CSMD1: variants seen among roughly 807,000 people sequenced by gnomAD.
CSMD1 encodes CUB and sushi domain-containing protein 1.
Under a neutral mutation model 417.5 loss-of-function variants are expected in CSMD1, and 213 were observed. That is an observed-to-expected ratio of 0.51 (90% CI 0.46 to 0.57). The LOEUF is 0.57. Ranked by LOEUF, CSMD1 falls within the 20% of genes least tolerant of loss-of-function variation. The probability of loss-of-function intolerance (pLI) is 0.00; values close to 1 mark genes in which losing one functional copy is unlikely to be tolerated. For synonymous variants in CSMD1, 2,862 were observed against 1,736.8 expected (o/e 1.65, Z -16.11); for missense variants, 6,923 against 4,529.7 (o/e 1.53, Z -15.17).
At chr8:4,685,942 G>C (rs996455433) in intron 1 of CSMD1, among the ~76,000 whole-genome samples, 1 of 152,186 alleles carries the variant, frequency 6.6e-6, no homozygotes, top group African/African-American at 2.4e-5. Flanking sequence ...ATCTTTAAAA[G>C]CACTGACGTT....
chr8:4,760,012 A>T lies in CSMD1; in HGVS notation c.86-122454T>A, dbSNP rs776957694. Among the ~76,000 whole-genome samples the T allele has an allele frequency of 4.6e-5, 7 of 152,298 alleles. No individual in the cohort carries two copies. The South Asian group carries it at 1.4e-3, about 32-fold the overall frequency. On this transcript the variant is annotated intron_variant, in intron 1 of 69. Transcript: ENST00000635120. ...CAGTGTCTTCCACAATGGTTGAACT[A>T]ATTTACATTCCACCAACAGTGTAAA...
intron 3 of CSMD1, among the ~76,000 whole-genome samples, chr8:4,277,372 G>A (rs1176768267): frequency 6.6e-6 from 1 of 152,060 alleles, no homozygotes; most frequent in Non-Finnish European, 1.5e-5. Context: ...CCTCATCTCT[G>A]AATCTGAAGG....
intron 7 of CSMD1, among the ~76,000 whole-genome samples, chr8:3,705,027 A>C (rs1188662398): frequency 6.6e-6 from 1 of 152,146 alleles, no homozygotes; most frequent in African/African-American, 2.4e-5. Context: ...AACCTTGAAC[A>C]TTTTCTATCA....
intron 21 of CSMD1, among the ~76,000 whole-genome samples, chr8:3,353,454 T>C (rs1340566467): frequency 1.3e-5 from 2 of 152,170 alleles, no homozygotes; most frequent in Non-Finnish European, 2.9e-5. Context: ...TCCAAAGCTG[T>C]GCAGGTGGCC....
intron 5 of CSMD1, among the ~76,000 whole-genome samples, chr8:3,951,422 A>C (rs972854661): frequency 6.6e-6 from 1 of 152,212 alleles, no homozygotes; most frequent in African/African-American, 2.4e-5. Flanking sequence ...ATGTAACTTA[A>C]ACTCTGTTCA....
At chr8:3,881,298 A>G (rs1482688516) in intron 5 of CSMD1, among the ~76,000 whole-genome samples, 1 of 151,206 alleles carries the variant, frequency 6.6e-6, no homozygotes, top group African/African-American at 2.4e-5. Flanking sequence ...GCCAATTCTA[A>G]TATTTCCATT....
intron 18 of CSMD1, among the ~76,000 whole-genome samples, chr8:3,379,257 C>T (rs1233415620): frequency 6.6e-6 from 1 of 151,966 alleles, no homozygotes; most frequent in South Asian, 2.1e-4. Flanking sequence ...AGGACACAAA[C>T]AAATAAAAAA....
chr8:4,399,084 T>C (rs1364069250), intron 3 of CSMD1, among the ~76,000 whole-genome samples: 1 of 152,194 alleles, frequency 6.6e-6, no homozygotes, highest in Non-Finnish European at 1.5e-5. Context: ...GCTGGTGACT[T>C]TTAGCCATGT....
chr8:4,808,624 A>G (rs1798720164), intron 1 of CSMD1, among the ~76,000 whole-genome samples: 1 of 152,228 alleles, frequency 6.6e-6, no homozygotes, highest in Admixed American at 6.5e-5. Flanking sequence ...TAAATAGAAC[A>G]CAGCCAGCAA....
intron 33 of CSMD1, among the ~76,000 whole-genome samples, chr8:3,195,963 A>G (rs1265944060): frequency 1.3e-5 from 2 of 152,144 alleles, no homozygotes; most frequent in African/African-American, 4.8e-5. Flanking sequence ...TGAGGCTGAG[A>G]CCTACTAGGC....
intron 38 of CSMD1, 132 bp from the exon 39 acceptor site, chr8:3,158,098 A>C (rs1819647291): frequency 1.3e-6 from 1 of 745,232 alleles, no homozygotes; most frequent in African/African-American, 1.8e-5. Context: ...AAAATTGTGA[A>C]ATCTGTTTTT....
At chr8:3,348,371 T>C (rs1049460622) in intron 21 of CSMD1, among the ~76,000 whole-genome samples, 1 of 152,194 alleles carries the variant, frequency 6.6e-6, no homozygotes. Flanking sequence ...TTGAAAATTG[T>C]CTTATTAACA....
At chr8:4,911,305 G>A (rs1370854536) in intron 1 of CSMD1, among the ~76,000 whole-genome samples, 1 of 152,134 alleles carries the variant, frequency 6.6e-6, no homozygotes, top group East Asian at 1.9e-4. Context: ...GTTTCATCAG[G>A]TGCTGAGAGA....
chr8:4,037,272 C>T (rs1410334585), intron 3 of CSMD1, among the ~76,000 whole-genome samples: 2 of 152,094 alleles, frequency 1.3e-5, no homozygotes, highest in Non-Finnish European at 1.5e-5. Flanking sequence ...TATCAATTAA[C>T]CTGTGGGAAA....
Position 3,998,915 on chromosome 8 carries a change from TAAC to T in CSMD1, c.611-808_611-806del, listed in dbSNP as rs943898805. ...ATCTATATGGTAGTTTATATATAAATAACAAACTATATAGTAGTTTATATATAA... is the reference window on the plus strand; with the variant it reads ...ATCTATATGGTAGTTTATATATAAATAAACTATATAGTAGTTTATATATAA... On this transcript the variant is annotated intron_variant, in intron 4 of 69. Transcript: ENST00000635120. Among the ~76,000 whole-genome samples, 43 of 148,934 alleles carry T rather than the reference TAAC, an allele frequency of 2.9e-4. 1 individual carries two copies. Among genetic ancestry groups the T allele is most frequent in the South Asian group, 1.1e-3 (5 of 4,754 alleles).
chr8:4,949,209 G>C (rs1477153751), intron 1 of CSMD1, among the ~76,000 whole-genome samples: 1 of 151,946 alleles, frequency 6.6e-6, no homozygotes, highest in East Asian at 1.9e-4. Flanking sequence ...CATTGCATTT[G>C]GTTTGTCTAT....
chr8:3,420,300 C>T (rs1425524669), intron 12 of CSMD1, among the ~76,000 whole-genome samples: 1 of 151,898 alleles, frequency 6.6e-6, no homozygotes, highest in Non-Finnish European at 1.5e-5. Flanking sequence ...AACCAGGACT[C>T]CTCAAAATAC....
chr8:3,468,894 G>C, intron 11 of CSMD1, 70 bp from the exon 12 acceptor site: 1 of 1,032,316 alleles, frequency 9.7e-7, no homozygotes, highest in Middle Eastern at 2.4e-4. Context: ...CTGAAAGGAG[G>C]GTCTTGCTGC....
intron 5 of CSMD1, among the ~76,000 whole-genome samples, chr8:3,864,346 T>A (rs182799023): frequency 3.9e-4 from 49 of 125,204 alleles, no homozygotes; most frequent in African/African-American, 1.9e-3. Context: ...AGACGATGCA[T>A]AGATAACCAC....
Sources: allele counts gnomAD v4.1 joint callset (sites outside exome capture counted in the v4.1 genomes callset), GRCh38; gene constraint gnomAD v4.1.1; transcripts MANE v1.5; gene names NCBI Gene and HGNC (gene_info 2026-07-23, HGNC 2026-07-21).